Variants in PCDH15 observed in about 807,000 individuals in gnomAD.
The protein encoded by PCDH15 is protocadherin-15.
PCDH15 carries 129 observed loss-of-function variants against 178.5 expected under a neutral mutation model. The observed-to-expected ratio is 0.72, with a 90% CI of 0.63 to 0.84. The LOEUF (loss-of-function observed/expected upper bound fraction) is 0.84, where lower values mean the gene tolerates loss of function less well. Ranked by LOEUF, PCDH15 falls within the 40% of genes least tolerant of loss-of-function variation. The pLI is 0.00. For synonymous variants in PCDH15, 800 were observed against 732.0 expected, an observed-to-expected ratio of 1.09 and a Z score of -1.50; for missense variants, 2,230 against 2,099.9, an observed-to-expected ratio of 1.06 and a Z score of -1.21.
intron 3 of PCDH15, among the ~76,000 whole-genome samples, chr10:54,437,371 T>G (rs2075492156): frequency 6.6e-6 from 1 of 151,800 alleles, no homozygotes; most frequent in South Asian, 2.1e-4. Flanking sequence ...AATTTGTTAC[T>G]GAAGAAAAAA....
chr10:54,053,190 G>A (rs1045065057), intron 18 of PCDH15, among the ~76,000 whole-genome samples: 19 of 152,096 alleles, frequency 1.2e-4, no homozygotes, highest in African/African-American at 4.3e-4. Flanking sequence ...TTATTTATTT[G>A]TCAAGAGAAC....
At position 53,935,105 on chromosome 10, in the gene PCDH15, C is replaced by A. The variant is rs185239023; in HGVS notation, c.3373+3710G>T. On this transcript the variant is annotated intron_variant, in intron 25 of 37. Transcript: ENST00000644397. ...ATTATTTGGAAATTCAGAAATAAGA[C>A]CAGTTTGTCATTACACATTTTTTTA... 4.1e-3 allele frequency among the ~76,000 whole-genome samples: 629 copies of A among 151,928 alleles called. 1 individual carries two copies. The highest frequency in any genetic ancestry group is 7.0e-3 in the Non-Finnish European group (478 of 67,968).
chr10:55,328,937 T>TA (rs1356681344), intron 2 of PCDH15, among the ~76,000 whole-genome samples: 8 of 133,682 alleles, frequency 6.0e-5, no homozygotes, highest in Admixed American at 5.9e-4. Flanking sequence ...TATATATATA[T>TA]ATATATATAT....
At chr10:54,254,443 G>A (rs2056747067) in intron 8 of PCDH15, among the ~76,000 whole-genome samples, 2 of 152,174 alleles carry the variant, frequency 1.3e-5, no homozygotes, top group South Asian at 4.1e-4. Context: ...GTCTTGGTGG[G>A]ATTATGTCTG....
intron 2 of PCDH15, among the ~76,000 whole-genome samples, chr10:55,554,300 TGATAA>T (rs1842049081): frequency 6.6e-6 from 1 of 152,050 alleles, no homozygotes; most frequent in South Asian, 2.1e-4. Context: ...GAAGAATAGA[TGATAA>T]GATGTGTAAA....
chr10:53,971,516 C>A (rs1279314999), intron 21 of PCDH15, among the ~76,000 whole-genome samples: 1 of 152,246 alleles, frequency 6.6e-6, no homozygotes, highest in East Asian at 1.9e-4. Flanking sequence ...TTTCAGATGA[C>A]ATGATTGTAT....
intron 2 of PCDH15, among the ~76,000 whole-genome samples, chr10:55,091,598 G>T (rs1301800178): frequency 6.6e-6 from 1 of 151,824 alleles, no homozygotes; most frequent in Non-Finnish European, 1.5e-5. Context: ...TATAAGTGTT[G>T]AAATGTTTAT....
At chr10:54,511,157 T>A (rs1049239808) in intron 3 of PCDH15, among the ~76,000 whole-genome samples, 2 of 152,184 alleles carry the variant, frequency 1.3e-5, no homozygotes, top group Non-Finnish European at 2.9e-5. Flanking sequence ...TTAAGAATAA[T>A]TTTTTTCCTG....
At chr10:55,060,436 C>G (rs1841402016) in intron 2 of PCDH15, among the ~76,000 whole-genome samples, 1 of 151,948 alleles carries the variant, frequency 6.6e-6, no homozygotes, top group African/African-American at 2.4e-5. Flanking sequence ...TTCCACATCT[C>G]TAAATTGAAA....
chr10:54,546,114 G>T (rs2085825757), intron 2 of PCDH15, among the ~76,000 whole-genome samples: 1 of 152,176 alleles, frequency 6.6e-6, no homozygotes, highest in Non-Finnish European at 1.5e-5. Flanking sequence ...TCAGATTCGT[G>T]GTTAGGTATC....
intron 3 of PCDH15, among the ~76,000 whole-genome samples, chr10:54,466,754 G>T (rs965132225): frequency 1.3e-5 from 2 of 151,906 alleles, no homozygotes; most frequent in Non-Finnish European, 2.9e-5. Context: ...GATTGTTTTG[G>T]TATGGTCACT....
intron 1 of PCDH15, among the ~76,000 whole-genome samples, chr10:54,709,627 TAA>T (rs1555162986): frequency 2.8e-5 from 4 of 141,850 alleles, no homozygotes; most frequent in African/African-American, 7.7e-5. Flanking sequence ...TATATATATA[TAA>T]AATCACTTTA....
intron 17 of PCDH15, among the ~76,000 whole-genome samples, chr10:54,070,325 T>C (rs1207805815): frequency 6.6e-6 from 1 of 151,972 alleles, no homozygotes; most frequent in East Asian, 1.9e-4. Flanking sequence ...TGCCTCAGCC[T>C]CCTGAGTAGC....
At chr10:54,445,599 T>A (rs1393020058) in intron 3 of PCDH15, among the ~76,000 whole-genome samples, 2 of 151,600 alleles carry the variant, frequency 1.3e-5, no homozygotes, top group Non-Finnish European at 3.0e-5. Flanking sequence ...TTCTTCTCAT[T>A]CTATGGTTTC....
intron 2 of PCDH15, among the ~76,000 whole-genome samples, chr10:54,609,482 A>G (rs2092889030): frequency 6.6e-6 from 1 of 152,044 alleles, no homozygotes; most frequent in Non-Finnish European, 1.5e-5. Context: ...TTAGCAGCAT[A>G]ATTTATGTTT....
Position 53,936,228 on chromosome 10 carries a change from T to G in PCDH15, c.3373+2587A>C, listed in dbSNP as rs146381855. Among the ~76,000 whole-genome samples, 440 of 152,330 alleles carry G rather than the reference T, an allele frequency of 2.9e-3. 2 individuals are homozygous for G. Among genetic ancestry groups the G allele is most frequent in the African/African-American group, 0.01 (422 of 41,578 alleles). On this transcript the variant is annotated intron_variant, in intron 25 of 37. Coordinates refer to ENST00000644397, the MANE Select transcript of PCDH15 (RefSeq NM_001384140.1). ...ACAGACCTATCAACCAATGGCAATG[T>G]ATAGACCTTATTTTGATTCTGATGT...
intron 2 of PCDH15, among the ~76,000 whole-genome samples, chr10:55,435,761 C>T (rs1035832611): frequency 2.0e-5 from 3 of 151,922 alleles, no homozygotes; most frequent in African/African-American, 4.8e-5. Flanking sequence ...TTATAACTGT[C>T]GTAAAAAGCC....
chr10:54,084,317 C>CA (rs1270686076), intron 16 of PCDH15, among the ~76,000 whole-genome samples: 2 of 151,224 alleles, frequency 1.3e-5, no homozygotes, highest in African/African-American at 4.9e-5. Context: ...ACTAAAAATA[C>CA]AAAAAATTAG....
intron 1 of PCDH15, among the ~76,000 whole-genome samples, chr10:54,688,414 A>G (rs1038426910): frequency 1.3e-5 from 2 of 152,148 alleles, no homozygotes; most frequent in African/African-American, 2.4e-5. Context: ...CTGGCTAACT[A>G]TATACTGAAT....
Sources: gnomAD v4.1 joint callset for allele counts (sites outside exome capture counted in the v4.1 genomes callset) on GRCh38, gnomAD v4.1.1 for gene constraint, MANE v1.5 for transcripts, NCBI Gene and HGNC (gene_info 2026-07-23, HGNC 2026-07-21) for gene names.